Variants in OGA observed in about 807,000 individuals in gnomAD.
OGA encodes protein O-GlcNAcase.
In OGA, 21 loss-of-function variants were observed where a neutral mutation model predicts 102.0. That is an observed-to-expected ratio of 0.21 (90% CI 0.15 to 0.30). The LOEUF (loss-of-function observed/expected upper bound fraction) is 0.30. Among genes scored for constraint, OGA ranks in the 10% least tolerant of loss-of-function variants. OGA has a pLI of 1.00. For missense variants in OGA, 765 were observed against 1,107.8 expected, an observed-to-expected ratio of 0.69 and a Z score of 4.39; for synonymous variants, 408 against 378.2, an observed-to-expected ratio of 1.08 and a Z score of -0.91.
intron 10 of OGA, among the ~76,000 whole-genome samples, chr10:101,796,189 G>T (rs2065313959): frequency 6.6e-6 from 1 of 152,176 alleles, no homozygotes; most frequent in Non-Finnish European, 1.5e-5. Flanking sequence ...GGCAAATGTT[G>T]TCATCCAGCA....
At chr10:101,814,958 T>C (rs1173891658) in intron 1 of OGA, among the ~76,000 whole-genome samples, 1 of 152,210 alleles carries the variant, frequency 6.6e-6, no homozygotes, top group Non-Finnish European at 1.5e-5. Context: ...CTTTACATCT[T>C]GTCTAACCTT....
Position 101,792,933 on chromosome 10 carries a change from G to A in OGA, c.2081C>T (p.Pro694Leu). 6.2e-7 allele frequency: 1 copy of A among 1,613,320 alleles called. No individual in the cohort carries two copies. The highest frequency in any genetic ancestry group is 8.5e-7 in the Non-Finnish European group (1 of 1,179,334). ...AAAGAGATCATTTGCCCCATCAATTGGCAGCAAACGCTGTGGGAAGAAAAA... is the reference window on the plus strand; with the variant it reads ...AAAGAGATCATTTGCCCCATCAATTAGCAGCAAACGCTGTGGGAAGAAAAA... The part of the protein sequence containing the change: ...GLAGEFQRLL[P>L]IDGANDLFFQ... Residue 694 changes from proline to leucine, a missense_variant, in exon 12 of 16, where the codon CCA becomes CTA. By Grantham distance (98) the Pro-to-Leu change is moderately conservative. Transcript: ENST00000361464.
Position 101,799,079 on chromosome 10 carries a change from A to C in OGA, c.1572T>G (p.Ile524Met). ...TCTGTTCATCAGTTTGCATGGGGGC[A>C]ATGTCACTAATACAATCTTCTTGCA... ...MSMQEDCISD[I>M]APMQTDEQTN... Residue 524 changes from isoleucine to methionine, a missense_variant, in exon 9 of 16, where the codon ATT becomes ATG. Physicochemically the swap from Ile to Met is conservative, Grantham distance 10. Around this residue, in one of 7 missense-constraint regions of OGA, gnomAD observed 281 missense variants for 345.8 expected, o/e 0.81. Coordinates refer to ENST00000361464, the MANE Select transcript of OGA (RefSeq NM_012215.5). 1 of 1,614,216 alleles carries C rather than the reference A, an allele frequency of 6.2e-7. No individual in the cohort carries two copies. Among genetic ancestry groups the C allele is most frequent in the Non-Finnish European group, 8.5e-7 (1 of 1,180,038 alleles).
At position 101,808,316 on chromosome 10, in the gene OGA, A is replaced by T. The variant is rs1350431935; in HGVS notation, c.481-415T>A. Among the ~76,000 whole-genome samples, 7 of 152,296 alleles carry T rather than the reference A, an allele frequency of 4.6e-5. No homozygotes were observed. In the East Asian group the frequency reaches 1.3e-3, roughly 29 times the overall value. ...AACATTTCAGATTTCTGAATTAGGG[A>T]TACTCAACTTATATGACAATATGAT... is the stretch of plus-strand genomic sequence containing the variant. On this transcript the variant is annotated intron_variant, in intron 4 of 15. Transcript: ENST00000361464.
intron 10 of OGA, 102 bp from the exon 11 acceptor site, chr10:101,794,100 T>A: frequency 1.3e-6 from 1 of 764,760 alleles, no homozygotes; most frequent in Non-Finnish European, 2.2e-6. Context: ...AATAACTCTC[T>A]AACAATAATC....
intron 10 of OGA, chr10:101,795,772 A>G (rs1254056934): frequency 2.4e-6 from 1 of 414,060 alleles, no homozygotes; most frequent in African/African-American, 2.2e-5. Flanking sequence ...GTCTTGGGCC[A>G]CACATAAAAT....
At chr10:101,787,021 G>A (rs2065198296) in intron 15 of OGA, among the ~76,000 whole-genome samples, 1 of 150,728 alleles carries the variant, frequency 6.6e-6, no homozygotes, top group African/African-American at 2.4e-5. Flanking sequence ...TGCTGCGTGA[G>A]CCACCGTGCC....
chr10:101,793,683 T>C, intron 11 of OGA: 1 of 429,744 alleles, frequency 2.3e-6, no homozygotes, highest in Middle Eastern at 7.0e-4. Context: ...GTGAAGTGTA[T>C]ACCTAGAGCC....
At chr10:101,805,444 C>T (rs1047839161) in intron 6 of OGA, among the ~76,000 whole-genome samples, 11 of 151,254 alleles carry the variant, frequency 7.3e-5, no homozygotes, top group Non-Finnish European at 1.0e-4. Context: ...CACCTGAGGT[C>T]GGGAGTTTGA....
In OGA at chr10:101,803,855, G is replaced by A. The variant is rs769939385; in HGVS notation, c.916C>T (p.Arg306Trp). 8 of 1,614,194 alleles carry A rather than the reference G, an allele frequency of 5.0e-6. No individual in the cohort carries two copies. Among genetic ancestry groups the A allele is most frequent in the East Asian group, 2.2e-5 (1 of 44,890 alleles). The change falls in exon 7 of 16, where the codon CGG becomes TGG. Residue 306 changes from arginine to tryptophan, a missense_variant. Arg to Trp is a moderately radical substitution (Grantham distance 101, BLOSUM62 -3). This residue lies in a region of OGA where 13 missense variants were observed against 56.5 expected (regional missense o/e 0.23). Coordinates refer to ENST00000361464, the MANE Select transcript of OGA (RefSeq NM_012215.5). ...GGATTAGTGAGGACTCCTTTTAACCGTGGGATGAGTTCTGTGGATCTTCCT... is the reference window on the plus strand; with the variant it reads ...GGATTAGTGAGGACTCCTTTTAACCATGGGATGAGTTCTGTGGATCTTCCT... ...YKGRSTELIPRLKGVLTNPNC... is the reference protein window; with the variant it reads ...YKGRSTELIPWLKGVLTNPNC...
intron 14 of OGA, among the ~76,000 whole-genome samples, chr10:101,789,624 C>A (rs1329645750): frequency 6.6e-6 from 1 of 151,952 alleles, no homozygotes; most frequent in Non-Finnish European, 1.5e-5. Context: ...AAGTAGGGGT[C>A]CAAATATCTT....
In OGA at chr10:101,813,559, T is replaced by G. The variant is rs1324464681; in HGVS notation, c.247A>C (p.Arg83=). The change falls in exon 2 of 16, where the codon AGA becomes CGA. Residue 83 remains arginine, a synonymous_variant. Transcript: ENST00000361464. ...CTTCATATAATGAAGATTTACCTTC[T>G]AAAGAGTTCTTTTCTCTGTTCCATA... is the stretch of plus-strand genomic sequence containing the variant. ...WVMEQRKELF[R]RLQKWELNTY... 1 of 1,543,854 alleles carries G rather than the reference T, an allele frequency of 6.5e-7. No homozygotes were observed. The highest frequency in any genetic ancestry group is 1.4e-5 in the African/African-American group (1 of 72,634).
In OGA at chr10:101,798,871, C is replaced by T; in HGVS notation, c.1780G>A (p.Val594Ile). 6.2e-7 allele frequency: 1 copy of T among 1,613,888 alleles called. No individual in the cohort carries two copies. The highest frequency in any genetic ancestry group is 8.5e-7 in the Non-Finnish European group (1 of 1,179,858). The stretch of plus-strand genomic sequence containing the variant: ...TCAGAGTCTTTTCCTTTGCAATTGA[C>T]ACTGACAACACTACTATTTGCTCGA... Reference protein sequence around the residue: ...WLRANSSVVSVNCKGKDSEKI... With the variant: ...WLRANSSVVSINCKGKDSEKI... Residue 594 changes from valine (V) to isoleucine (I), a missense_variant, in exon 9 of 16, where the codon GTC becomes ATC. Around this residue, in one of 7 missense-constraint regions of OGA, gnomAD observed 281 missense variants for 345.8 expected, o/e 0.81. Transcript: ENST00000361464.
At chr10:101,810,651 C>T (rs2065542712) in intron 3 of OGA, among the ~76,000 whole-genome samples, 1 of 152,182 alleles carries the variant, frequency 6.6e-6, no homozygotes, top group Admixed American at 6.5e-5. Context: ...CTTTCATTGC[C>T]ACTTCTCAAA....
At chr10:101,794,166 A>C in intron 10 of OGA, 168 bp from the exon 11 acceptor site, 1 of 457,454 alleles carries the variant, frequency 2.2e-6, no homozygotes, top group Non-Finnish European at 4.0e-6. Context: ...TGTTAACGGC[A>C]TTTCAATACT....
chr10:101,811,965 G>C (rs566388956), intron 3 of OGA, among the ~76,000 whole-genome samples: 1 of 152,212 alleles, frequency 6.6e-6, no homozygotes, highest in Admixed American at 6.5e-5. Flanking sequence ...AAGTAATTAA[G>C]TTGAAGGCAC....
chr10:101,813,052 C>T lies in OGA; in HGVS notation c.327G>A (p.Glu109=), dbSNP rs754225761. ...TACCAGCTTCCTCCACTGAATACAT[C>T]TCTCGCCAAAACATCCTATGTTTGT... The part of the protein sequence containing the change: ...DDYKHRMFWR[E]MYSVEEAEQL... The change falls in exon 3 of 16, where the codon GAG becomes GAA. Residue 109 remains glutamate, a synonymous_variant. Transcript: ENST00000361464. 6.2e-7 allele frequency: 1 copy of T among 1,612,168 alleles called. No individual in the cohort carries two copies. The highest frequency in any genetic ancestry group is 8.5e-7 in the Non-Finnish European group (1 of 1,178,964).
chr10:101,817,326 G>C (rs771248791), intron 1 of OGA, among the ~76,000 whole-genome samples: 1 of 152,100 alleles, frequency 6.6e-6, no homozygotes, highest in Non-Finnish European at 1.5e-5. Context: ...TTGCGGGGGT[G>C]GGGGGAAGCA....
chr10:101,809,418 T>C lies in OGA; in HGVS notation c.480+766A>G, dbSNP rs556389386. On this transcript the variant is annotated intron_variant, in intron 4 of 15. Coordinates refer to ENST00000361464, the MANE Select transcript of OGA (RefSeq NM_012215.5). ...TTACTTAATTTGGAAAATATTCCTC[T>C]ATCAGAAGGATTCAAGGCTGGGTGC... is the stretch of plus-strand genomic sequence containing the variant. Among the ~76,000 whole-genome samples, 154 of 152,316 alleles carry C rather than the reference T, an allele frequency of 1.0e-3. 1 individual carries two copies. The highest frequency in any genetic ancestry group is 1.9e-3 in the Non-Finnish European group (126 of 68,024).
Sources: allele counts gnomAD v4.1 joint callset (sites outside exome capture counted in the v4.1 genomes callset), GRCh38; gene constraint gnomAD v4.1.1; regional missense constraint gnomAD v4.1.1; transcripts MANE v1.5; gene names NCBI Gene and HGNC (gene_info 2026-07-23, HGNC 2026-07-21).